HECTD2: variants seen among roughly 807,000 people sequenced by gnomAD.
HECTD2 encodes the protein HECT domain E3 ubiquitin protein ligase 2.
In HECTD2, 35 loss-of-function variants were observed where a neutral mutation model predicts 103.2. The ratio of observed to expected loss-of-function variants is 0.34; its 90% CI spans 0.26 to 0.45. The LOEUF (loss-of-function observed/expected upper bound fraction) is 0.45. Ranked by LOEUF, HECTD2 falls within the 20% of genes least tolerant of loss-of-function variation. The probability of loss-of-function intolerance (pLI) is 1.00; values close to 1 mark genes in which losing one functional copy is unlikely to be tolerated. For synonymous variants in HECTD2, 281 were observed against 329.9 expected, an observed-to-expected ratio of 0.85 and a Z score of 1.61; for missense variants, 596 against 937.4, an observed-to-expected ratio of 0.64 and a Z score of 4.76.
chr10:91,472,400 A>G (rs1845759734), intron 5 of HECTD2, among the ~76,000 whole-genome samples: 1 of 152,182 alleles, frequency 6.6e-6, no homozygotes, highest in Non-Finnish European at 1.5e-5. Context: ...GCCCTAGCAA[A>G]GATTTCATGA....
At chr10:91,481,986 TAAG>T (rs1482978086) in intron 7 of HECTD2, among the ~76,000 whole-genome samples, 9 of 151,544 alleles carry the variant, frequency 5.9e-5, no homozygotes, top group African/African-American at 2.2e-4. Context: ...AAGAGGTAGT[TAAG>T]AAGAGAAATG....
At chr10:91,455,928 C>T (rs1406768315) in intron 2 of HECTD2, among the ~76,000 whole-genome samples, 13 of 151,692 alleles carry the variant, frequency 8.6e-5, no homozygotes, top group Non-Finnish European at 1.2e-4. Context: ...TTCCATTGGT[C>T]TATATCTCTG....
intron 1 of HECTD2, among the ~76,000 whole-genome samples, chr10:91,412,668 A>ATGTGTGTGTGTG (rs58691011): frequency 0.035 from 5,151 of 147,204 alleles, 175 homozygotes; most frequent in African/African-American, 0.08. Flanking sequence ...CTGTGGCAGA[A>ATGTGTGTGTGTG]TGTGTGTGTG....
intron 20 of HECTD2, among the ~76,000 whole-genome samples, chr10:91,504,406 A>G (rs1847054430): frequency 6.6e-6 from 1 of 151,084 alleles, no homozygotes; most frequent in South Asian, 2.1e-4. Flanking sequence ...GTATAACTAG[A>G]ATAACCAATA....
chr10:91,424,804 C>A (rs74149212), intron 1 of HECTD2, among the ~76,000 whole-genome samples: 398 of 152,148 alleles, frequency 2.6e-3, no homozygotes, highest in African/African-American at 9.1e-3. Context: ...AAAGGGTTAT[C>A]TTTTTACCTG....
At chr10:91,480,329 T>A (rs1317656257) in intron 6 of HECTD2, among the ~76,000 whole-genome samples, 1 of 152,054 alleles carries the variant, frequency 6.6e-6, no homozygotes, top group Admixed American at 6.6e-5. Flanking sequence ...TATATACAAA[T>A]AGATCTTGAG....
chr10:91,483,467 C>T (rs938153419), intron 8 of HECTD2, among the ~76,000 whole-genome samples: 3 of 151,802 alleles, frequency 2.0e-5, no homozygotes, highest in Admixed American at 6.6e-5. Context: ...ATTTAAATGG[C>T]GCTTTCTCCT....
intron 2 of HECTD2, among the ~76,000 whole-genome samples, chr10:91,450,798 G>T (rs1276503779): frequency 6.6e-6 from 1 of 152,072 alleles, no homozygotes; most frequent in Non-Finnish European, 1.5e-5. Context: ...TTAGAAAAAT[G>T]CAAATCAAAC....
At chr10:91,417,908 A>G (rs1013455544) in intron 1 of HECTD2, among the ~76,000 whole-genome samples, 5 of 152,172 alleles carry the variant, frequency 3.3e-5, no homozygotes, top group Middle Eastern at 3.2e-3. Flanking sequence ...GTCAAATGGC[A>G]TTTCTAGTTC....
intron 2 of HECTD2, among the ~76,000 whole-genome samples, chr10:91,435,547 C>T (rs561880281): frequency 1.3e-5 from 2 of 152,104 alleles, no homozygotes; most frequent in South Asian, 4.1e-4. Context: ...TGCTAAATTT[C>T]AGGCCACTCA....
At chr10:91,455,973 T>C (rs531997866) in intron 2 of HECTD2, among the ~76,000 whole-genome samples, 173 of 152,318 alleles carry the variant, frequency 1.1e-3, no homozygotes, top group Non-Finnish European at 2.2e-3. Context: ...TTGGTTACTG[T>C]AGCCTTGTAG....
At chr10:91,445,854 C>T (rs997741523) in intron 2 of HECTD2, among the ~76,000 whole-genome samples, 9 of 152,116 alleles carry the variant, frequency 5.9e-5, no homozygotes, top group Non-Finnish European at 1.0e-4. Context: ...CACTCCGGCC[C>T]AGATACTACA....
At chr10:91,445,926 G>C (rs1233611610) in intron 2 of HECTD2, among the ~76,000 whole-genome samples, 2 of 152,092 alleles carry the variant, frequency 1.3e-5, no homozygotes, top group Non-Finnish European at 2.9e-5. Flanking sequence ...TATGCCACCA[G>C]GGCCCTGGGA....
chr10:91,422,621 C>G (rs1239058539), intron 1 of HECTD2, among the ~76,000 whole-genome samples: 2 of 152,046 alleles, frequency 1.3e-5, no homozygotes, highest in African/African-American at 4.8e-5. Flanking sequence ...AATATGTAAC[C>G]TGTTTATATT....
Position 91,499,114 on chromosome 10 carries a change from T to C in HECTD2, c.1914T>C (p.Tyr638=), listed in dbSNP as rs1483999144. Reference sequence around the variant, plus strand: ...ATAAGCAGTTTGCTGCATTTTATTATGGATTTCATAGTGTGTGTGCTTCAA... The same window carrying C: ...ATAAGCAGTTTGCTGCATTTTATTACGGATTTCATAGTGTGTGTGCTTCAA... ...SIYKQFAAFY[Y]GFHSVCASNA... Residue 638 remains tyrosine, a synonymous_variant, in exon 18 of 21, where the codon TAT becomes TAC. Transcript: ENST00000298068. 1 of 1,612,746 alleles carries C rather than the reference T, an allele frequency of 6.2e-7. No homozygotes were observed. The highest frequency in any genetic ancestry group is 1.1e-5 in the South Asian group (1 of 91,032).
chr10:91,492,589 TC>T, intron 13 of HECTD2, 105 bp downstream of exon 13: 1 of 894,318 alleles, frequency 1.1e-6, no homozygotes, highest in Non-Finnish European at 1.7e-6. Flanking sequence ...AGACTTTTTG[TC>T]CATCGTAAAT....
At chr10:91,509,992 G>C (rs1847357702) in intron 20 of HECTD2, among the ~76,000 whole-genome samples, 1 of 152,008 alleles carries the variant, frequency 6.6e-6, no homozygotes, top group African/African-American at 2.4e-5. Context: ...TGAAGAAGAG[G>C]ATAACAGGAG....
intron 20 of HECTD2, among the ~76,000 whole-genome samples, chr10:91,504,417 C>G (rs1847055120): frequency 6.6e-6 from 1 of 151,588 alleles, no homozygotes; most frequent in South Asian, 2.1e-4. Context: ...ATAACCAATA[C>G]AGAGAAGTGC....
chr10:91,433,691 A>G (rs984580293), intron 2 of HECTD2, among the ~76,000 whole-genome samples: 1 of 151,938 alleles, frequency 6.6e-6, no homozygotes, highest in Non-Finnish European at 1.5e-5. Flanking sequence ...AGGTTTATCT[A>G]TAGGATATTT....
Sources: gnomAD v4.1 joint callset for allele counts (sites outside exome capture counted in the v4.1 genomes callset) on GRCh38, gnomAD v4.1.1 for gene constraint, MANE v1.5 for transcripts, NCBI Gene and HGNC (gene_info 2026-07-23, HGNC 2026-07-21) for gene names.